POLK: variants seen among roughly 807,000 people sequenced by gnomAD.
POLK encodes the protein DNA polymerase kappa, also known as polymerase (DNA directed) kappa.
In POLK, 76 loss-of-function variants were observed where a neutral mutation model predicts 94.0. The ratio of observed to expected loss-of-function variants is 0.81; its 90% confidence interval spans 0.67 to 0.98. The LOEUF is 0.98. Among genes scored for constraint, POLK ranks in the 50% least tolerant of loss-of-function variants. POLK has a pLI of 0.00. For synonymous variants in POLK, 349 were observed against 325.4 expected (o/e 1.07, Z -0.78); for missense variants, 954 against 1,010.1 (o/e 0.94, Z 0.75).
At chr5:75,514,420 T>C (rs1470833465) in intron 1 of POLK, among the ~76,000 whole-genome samples, 2 of 152,204 alleles carry the variant, frequency 1.3e-5, no homozygotes, top group Non-Finnish European at 2.9e-5. Flanking sequence ...ATGATTAAAA[T>C]TGGTCAGACA....
chr5:75,576,655 C>T, intron 5 of POLK, 125 bp from the exon 6 acceptor site: 2 of 437,938 alleles, frequency 4.6e-6, no homozygotes, highest in Non-Finnish European at 8.2e-6. Flanking sequence ...AATCCATGAA[C>T]TATTGACTGC....
chr5:75,569,335 T>C lies in POLK; in HGVS notation c.256-5T>C. 1.3e-6 allele frequency: 2 copies of C among 1,598,862 alleles called. No homozygotes were observed. The highest frequency in any genetic ancestry group is 1.7e-6 in the Non-Finnish European group (2 of 1,172,388). On this transcript the variant is annotated splice_polypyrimidine_tract_variant and splice_region_variant and intron_variant, in intron 3 of 14. Transcript: ENST00000241436. Reference sequence around the variant, plus strand: ...AAAGTATGTTAACTTTTTTAAAAAATTAAGGTTGACAGATTTGCAATGGAA... The same window carrying C: ...AAAGTATGTTAACTTTTTTAAAAAACTAAGGTTGACAGATTTGCAATGGAA...
intron 9 of POLK, among the ~76,000 whole-genome samples, chr5:75,586,383 C>T (rs899617621): frequency 2.0e-5 from 3 of 152,160 alleles, no homozygotes; most frequent in Non-Finnish European, 2.9e-5. Context: ...TCCTTCATTA[C>T]TATATCCTCA....
chr5:75,512,997 A>C (rs1768141374), intron 1 of POLK: 1 of 152,230 alleles, frequency 6.6e-6, no homozygotes, highest in Admixed American at 6.5e-5. Flanking sequence ...GCATGGTGGT[A>C]GGTGCCTGTA....
chr5:75,511,270 C>G (rs768284318), upstream of POLK: 26 of 1,591,050 alleles, frequency 1.6e-5, no homozygotes, highest in Non-Finnish European at 1.9e-5. Flanking sequence ...GAGGAGGCGC[C>G]CAGTCCTCGG....
At chr5:75,510,848 C>T (rs1561316007), upstream of POLK, among the ~76,000 whole-genome samples, 1 of 152,170 alleles carries the variant, frequency 6.6e-6, no homozygotes, top group Non-Finnish European at 1.5e-5. Flanking sequence ...CCCTAAGTCC[C>T]AAGTCACGGC....
At chr5:75,523,075 A>G (rs1377228272) in intron 1 of POLK, among the ~76,000 whole-genome samples, 1 of 152,174 alleles carries the variant, frequency 6.6e-6, no homozygotes, top group African/African-American at 2.4e-5. Context: ...TAGCTGTTGT[A>G]ATTCATTACA....
rs200083664 is a variant in POLK, at chr5:75,547,029, A to G, written c.7A>G (p.Ser3Gly). The G allele has an allele frequency of 1.8e-5, 27 of 1,499,472 alleles. No homozygotes were observed. In the East Asian group the frequency reaches 6.5e-4, roughly 36 times the overall value. The allele number at this position is 1,499,472 out of a possible 1,614,324, so 92.9% of individuals were successfully genotyped here. The change falls in exon 2 of 15, where the codon AGC (serine) becomes GGC (glycine). Residue 3 changes from serine (S) to glycine (G), a missense_variant. Ser to Gly is a moderately conservative substitution (Grantham distance 56). Transcript: ENST00000241436. ...TTTCAGATAAGTTTATACCATGGAT[A>G]GCACAAAGGAGAAGTGTGACAGTTA...
At chr5:75,576,978 A>T in intron 6 of POLK, 45 bp downstream of exon 6, 1 of 1,254,882 alleles carries the variant, frequency 8.0e-7, no homozygotes, top group Non-Finnish European at 1.1e-6. Flanking sequence ...CAGTGAAAAA[A>T]AAAAACCCAC....
chr5:75,584,020 C>T (rs1772333960), intron 8 of POLK, among the ~76,000 whole-genome samples: 1 of 152,030 alleles, frequency 6.6e-6, no homozygotes, highest in Admixed American at 6.5e-5. Flanking sequence ...AAATATTTTT[C>T]AATGCTCAGT....
chr5:75,511,397 AG>A, upstream of POLK: 1 of 1,546,016 alleles, frequency 6.5e-7, no homozygotes, highest in Non-Finnish European at 8.7e-7. Context: ...GAGCGGAGCG[AG>A]GAAGGAGGAC....
chr5:75,550,433 G>A (rs562338753), intron 2 of POLK, among the ~76,000 whole-genome samples: 3 of 152,110 alleles, frequency 2.0e-5, no homozygotes, highest in African/African-American at 4.8e-5. Flanking sequence ...ACAAAAATAA[G>A]CCAGGCGTGG....
chr5:75,576,657 A>C, intron 5 of POLK, 123 bp from the exon 6 acceptor site: 1 of 443,520 alleles, frequency 2.3e-6, no homozygotes, highest in Non-Finnish European at 4.0e-6. Context: ...TCCATGAACT[A>C]TTGACTGCAG....
rs549783770 is a variant in POLK, at chr5:75,573,422, G to A, written c.409-316G>A. On this transcript the variant is annotated intron_variant, in intron 4 of 14. Transcript: ENST00000241436. Reference sequence around the variant, plus strand: ...AGATATACCTAATATTAAATGACGAGTTAATGGGTGCAGCACACCAACATG... The same window carrying A: ...AGATATACCTAATATTAAATGACGAATTAATGGGTGCAGCACACCAACATG... 3.3e-5 allele frequency among the ~76,000 whole-genome samples: 5 copies of A among 152,230 alleles called. No homozygotes were observed. The South Asian group carries it at 6.2e-4, about 19-fold the overall frequency.
At chr5:75,603,172 T>C (rs893408512), downstream of POLK, among the ~76,000 whole-genome samples, 3 of 152,230 alleles carry the variant, frequency 2.0e-5, no homozygotes, top group Admixed American at 6.5e-5. Flanking sequence ...TACTACTCCT[T>C]ACTTTTTAAC....
chr5:75,569,647 A>G (rs1402372318), intron 4 of POLK, among the ~76,000 whole-genome samples, 155 bp downstream of exon 4: 1 of 152,188 alleles, frequency 6.6e-6, no homozygotes, highest in South Asian at 2.1e-4. Context: ...TCCTTTCAAC[A>G]TACTTTAAGG....
At chr5:75,532,948 A>G (rs1404247425) in intron 1 of POLK, among the ~76,000 whole-genome samples, 4 of 151,972 alleles carry the variant, frequency 2.6e-5, no homozygotes, top group African/African-American at 9.7e-5. Context: ...TTTTTGCTTT[A>G]AAATTTTGTT....
Position 75,549,912 on chromosome 5 carries a change from A to G in POLK, c.136-2560A>G, listed in dbSNP as rs375430999. The stretch of plus-strand genomic sequence containing the variant: ...TTGGACACATTTCTAGAAGTTTACA[A>G]TTTTTCAAAATGGACTCAAGAAGAT... On this transcript the variant is annotated intron_variant, in intron 2 of 14. Coordinates refer to ENST00000241436, the Ensembl canonical transcript of POLK. Among the ~76,000 whole-genome samples the G allele has an allele frequency of 8.7e-4, 132 of 152,218 alleles. 1 individual carries two copies. The highest frequency in any genetic ancestry group is 2.9e-3 in the South Asian group (14 of 4,826).
chr5:75,605,118 T>TACACAC (rs3842052), downstream of POLK, among the ~76,000 whole-genome samples: 10,868 of 146,746 alleles, frequency 0.074, 450 homozygotes, highest in East Asian at 0.14. Flanking sequence ...TGTATACACA[T>TACACAC]ACACACACAC....
Sources: gnomAD v4.1 joint callset for allele counts (sites outside exome capture counted in the v4.1 genomes callset) on GRCh38, gnomAD v4.1.1 for gene constraint, MANE v1.5 for transcripts, NCBI Gene and HGNC (gene_info 2026-07-23, HGNC 2026-07-21) for gene names.